Variants in ATP8B1 observed in about 807,000 individuals in gnomAD.
The protein encoded by ATP8B1 is ATPase phospholipid transporting 8B1.
ATP8B1 carries 80 observed loss-of-function variants against 149.9 expected under a neutral mutation model. The observed-to-expected ratio is 0.53, with a 90% CI of 0.45 to 0.64. The LOEUF (loss-of-function observed/expected upper bound fraction) is 0.64, where lower values mean the gene tolerates loss of function less well. Among genes scored for constraint, ATP8B1 ranks in the 30% least tolerant of loss-of-function variants. ATP8B1 has a pLI of 0.00. For synonymous variants in ATP8B1, 536 were observed against 562.8 expected (o/e 0.95, Z 0.67); for missense variants, 1,247 against 1,552.6 (o/e 0.80, Z 3.31).
chr18:57,686,815 C>T (rs542929535), intron 13 of ATP8B1, among the ~76,000 whole-genome samples: 1 of 152,198 alleles, frequency 6.6e-6, no homozygotes, highest in South Asian at 2.1e-4. Context: ...GGATTGCAGG[C>T]GTGAGCCACT....
chr18:57,657,052 C>T (rs372778126), intron 22 of ATP8B1, among the ~76,000 whole-genome samples: 9 of 151,982 alleles, frequency 5.9e-5, no homozygotes, highest in Admixed American at 1.3e-4. Flanking sequence ...CATGGGTATA[C>T]GTGTGCCATG....
chr18:57,795,526 T>TA (rs1289747788), intron 1 of ATP8B1, among the ~76,000 whole-genome samples: 2 of 152,062 alleles, frequency 1.3e-5, no homozygotes, highest in Non-Finnish European at 2.9e-5. Context: ...TATTCAGCCC[T>TA]AAAAAAGGAA....
intron 1 of ATP8B1, among the ~76,000 whole-genome samples, chr18:57,790,341 A>T (rs1230842319): frequency 8.5e-6 from 1 of 117,932 alleles, no homozygotes; most frequent in Non-Finnish European, 1.7e-5. Context: ...CCCATTCCCC[A>T]TATCGCAGTC....
At chr18:57,748,844 CA>C in intron 1 of ATP8B1, among the ~76,000 whole-genome samples, 1 of 152,262 alleles carries the variant, frequency 6.6e-6, no homozygotes, top group African/African-American at 2.4e-5. Flanking sequence ...CCAGGTTTAA[CA>C]GTTATTTGCA....
Position 57,720,765 on chromosome 18 carries a change from G to A in ATP8B1, c.181+10862C>T, listed in dbSNP as rs1336425588. ...AGAGAACGCCACAAAGATACTCCTC[G>A]AGAAGAGCAACTCCAAGACACATAA... On this transcript the variant is annotated intron_variant, in intron 2 of 27. Transcript: ENST00000648908. Among the ~76,000 whole-genome samples, 4 of 146,526 alleles carry A rather than the reference G, an allele frequency of 2.7e-5. No individual in the cohort carries two copies. The South Asian group carries it at 6.8e-4, about 25-fold the overall frequency.
chr18:57,671,407 ACAGACAGCAT>A, intron 17 of ATP8B1, 51 bp downstream of exon 17: 1 of 1,373,430 alleles, frequency 7.3e-7, no homozygotes, highest in Non-Finnish European at 1.0e-6. Flanking sequence ...TGCAAACTTA[ACAGACAGCAT>A]CAGAGAGTAA....
At chr18:57,722,864 A>T (rs1256551093) in intron 2 of ATP8B1, among the ~76,000 whole-genome samples, 1 of 148,772 alleles carries the variant, frequency 6.7e-6, no homozygotes, top group East Asian at 2.0e-4. Context: ...ATACTGGCAA[A>T]CCGAATCCAG....
At chr18:57,770,092 A>G (rs1370466068) in intron 1 of ATP8B1, among the ~76,000 whole-genome samples, 1 of 142,434 alleles carries the variant, frequency 7.0e-6, no homozygotes, top group Non-Finnish European at 1.5e-5. Flanking sequence ...TTTTTGAGAC[A>G]GAGTCTCACT....
In ATP8B1 at chr18:57,790,929, C is replaced by T. The variant is rs151029523; in HGVS notation, c.-26+12069G>A. Among the ~76,000 whole-genome samples the T allele has an allele frequency of 9.8e-3, 1,488 of 152,216 alleles. 27 individuals are homozygous for T. The highest frequency in any genetic ancestry group is 0.034 in the African/African-American group (1,431 of 41,520). On this transcript the variant is annotated intron_variant, in intron 1 of 27. Coordinates refer to ENST00000648908, the MANE Select transcript of ATP8B1 (RefSeq NM_001374385.1). ...TAGAGATGGGGTTTCACCATGTTGG[C>T]CAGGCTGGTGTCGAGCTCCTGACCT...
At chr18:57,788,115 A>T (rs781632191) in intron 1 of ATP8B1, among the ~76,000 whole-genome samples, 4 of 152,242 alleles carry the variant, frequency 2.6e-5, no homozygotes, top group Non-Finnish European at 4.4e-5. Context: ...TTTTATTGTC[A>T]TCTGGACCTA....
At chr18:57,778,160 A>G (rs1050621166) in intron 1 of ATP8B1, among the ~76,000 whole-genome samples, 2 of 152,158 alleles carry the variant, frequency 1.3e-5, no homozygotes, top group African/African-American at 4.8e-5. Context: ...GTTGCTGCCT[A>G]ACAAAATACC....
chr18:57,673,685 T>C (rs970914156), intron 16 of ATP8B1, among the ~76,000 whole-genome samples: 3 of 151,542 alleles, frequency 2.0e-5, no homozygotes, highest in Non-Finnish European at 4.4e-5. Context: ...ATATATTAGA[T>C]CTATATATAG....
intron 11 of ATP8B1, 119 bp downstream of exon 11, chr18:57,694,463 C>A: frequency 1.4e-6 from 1 of 706,376 alleles, no homozygotes; most frequent in Non-Finnish European, 2.4e-6. Context: ...CTTGGAGTGC[C>A]CAATAATTTT....
At chr18:57,701,353 C>T (rs758104069) in intron 4 of ATP8B1, 40 bp from the exon 5 acceptor site, 42 of 1,555,128 alleles carry the variant, frequency 2.7e-5, no homozygotes, top group Non-Finnish European at 3.6e-5. Flanking sequence ...TCCATGAAGG[C>T]ATATCAAGCT....
chr18:57,709,026 T>A (rs1286185858), intron 2 of ATP8B1, among the ~76,000 whole-genome samples: 1 of 152,238 alleles, frequency 6.6e-6, no homozygotes, highest in Non-Finnish European at 1.5e-5. Context: ...GTAACCAGTA[T>A]GTCTTTGTCT....
chr18:57,740,390 A>G (rs1023190576), intron 1 of ATP8B1: 3 of 151,994 alleles, frequency 2.0e-5, no homozygotes, highest in African/African-American at 4.8e-5. Context: ...GTAATATATA[A>G]TAAGTATGAA....
intron 2 of ATP8B1, among the ~76,000 whole-genome samples, chr18:57,711,187 T>G (rs148961286): frequency 7.2e-5 from 11 of 152,192 alleles, no homozygotes; most frequent in Non-Finnish European, 1.5e-4. Flanking sequence ...CTAGGAAATA[T>G]CCCCCATGTA....
At chr18:57,765,975 AAG>A (rs902393672) in intron 1 of ATP8B1, among the ~76,000 whole-genome samples, 65 of 127,288 alleles carry the variant, frequency 5.1e-4, no homozygotes, top group Middle Eastern at 4.2e-3. Flanking sequence ...CTGTCTCAAA[AAG>A]AAAAAAAAAA....
At chr18:57,735,967 G>GCCCCCCCCC (rs59140378) in intron 1 of ATP8B1, among the ~76,000 whole-genome samples, 42 of 134,338 alleles carry the variant, frequency 3.1e-4, no homozygotes, top group African/African-American at 3.8e-4. Flanking sequence ...CCCATTCCTT[G>GCCCCCCCCC]CCCCCCCCAC....
Sources: allele counts gnomAD v4.1 joint callset (sites outside exome capture counted in the v4.1 genomes callset), GRCh38; gene constraint gnomAD v4.1.1; transcripts MANE v1.5; gene names NCBI Gene and HGNC (gene_info 2026-07-23, HGNC 2026-07-21).